The following ARHGAP29 variants were observed in gnomAD, a reference collection of about 807,000 sequenced individuals.
ARHGAP29 encodes Rho GTPase activating protein 29, also known as rho GTPase-activating protein 29.
A neutral mutation model predicts 122.6 loss-of-function variants in ARHGAP29; 43 were observed. That is an observed-to-expected ratio of 0.35 (90% confidence interval 0.27 to 0.45). The LOEUF (loss-of-function observed/expected upper bound fraction) is 0.45, where lower values mean the gene tolerates loss of function less well. Ranked by LOEUF, ARHGAP29 falls within the 20% of genes least tolerant of loss-of-function variation. ARHGAP29 has a pLI of 1.00. For missense variants in ARHGAP29, 1,303 were observed against 1,477.2 expected, an observed-to-expected ratio of 0.88 and a Z score of 1.93; for synonymous variants, 506 against 497.1, an observed-to-expected ratio of 1.02 and a Z score of -0.24.
intron 2 of ARHGAP29, among the ~76,000 whole-genome samples, chr1:94,227,894 T>G (rs952966535): frequency 6.6e-6 from 1 of 151,782 alleles, no homozygotes; most frequent in Non-Finnish European, 1.5e-5. Context: ...TCATATAAGA[T>G]AGAACATTTA....
At chr1:94,253,534 A>G (rs932959706) in intron 1 of ARHGAP29, among the ~76,000 whole-genome samples, 7 of 152,212 alleles carry the variant, frequency 4.6e-5, no homozygotes, top group African/African-American at 1.7e-4. Context: ...GACTTATTGT[A>G]CTAAAAATTA....
At chr1:94,273,376 T>G (rs914622956) in intron 1 of ARHGAP29, among the ~76,000 whole-genome samples, 1 of 152,260 alleles carries the variant, frequency 6.6e-6, no homozygotes, top group Non-Finnish European at 1.5e-5. Flanking sequence ...GTCAGTAAGC[T>G]TTCCAGCAAT....
chr1:94,266,801 C>A (rs1262668756), intron 1 of ARHGAP29, among the ~76,000 whole-genome samples: 1 of 152,178 alleles, frequency 6.6e-6, no homozygotes. Context: ...ATTGCCTTCA[C>A]GTTCCAGAGA....
At chr1:94,216,416 C>T (rs1379039003) in intron 3 of ARHGAP29, among the ~76,000 whole-genome samples, 1 of 152,122 alleles carries the variant, frequency 6.6e-6, no homozygotes, top group African/African-American at 2.4e-5. Context: ...AAAAAGAGAA[C>T]ACATCCGTGT....
At chr1:94,270,588 G>A (rs552445263) in intron 1 of ARHGAP29, among the ~76,000 whole-genome samples, 102 of 152,298 alleles carry the variant, frequency 6.7e-4, no homozygotes, top group African/African-American at 2.4e-3. Context: ...ATGAGCAGGT[G>A]ACCCAGGACC....
At chr1:94,214,949 T>A (rs1309586206) in intron 3 of ARHGAP29, among the ~76,000 whole-genome samples, 1 of 152,094 alleles carries the variant, frequency 6.6e-6, no homozygotes, top group Non-Finnish European at 1.5e-5. Context: ...ATACTTAAGT[T>A]TTATGTAATG....
At chr1:94,248,071 T>A (rs1653898514) in intron 1 of ARHGAP29, 1 of 152,266 alleles carries the variant, frequency 6.6e-6, no homozygotes, top group African/African-American at 2.4e-5. Flanking sequence ...CAGTCAAGAC[T>A]CAGGTGTTCA....
upstream of ARHGAP29, among the ~76,000 whole-genome samples, chr1:94,241,390 C>T (rs1015304112): frequency 1.3e-5 from 2 of 151,878 alleles, no homozygotes; most frequent in Non-Finnish European, 2.9e-5. Context: ...CCGAGGCGGG[C>T]GGATCACCTG....
intron 1 of ARHGAP29, among the ~76,000 whole-genome samples, chr1:94,260,233 G>A (rs1029992645): frequency 6.6e-6 from 1 of 152,142 alleles, no homozygotes; most frequent in Non-Finnish European, 1.5e-5. Flanking sequence ...TCTATCTGAG[G>A]GGCTTCTGGC....
chr1:94,239,025 C>CT (rs1653468031), upstream of ARHGAP29, among the ~76,000 whole-genome samples: 1 of 152,170 alleles, frequency 6.6e-6, no homozygotes, highest in African/African-American at 2.4e-5. Flanking sequence ...TTGGACTCAA[C>CT]TTACACAGAT....
At chr1:94,303,862 T>A in the ARHGAP29 span, among the ~76,000 whole-genome samples, 1 of 152,234 alleles carries the variant, frequency 6.6e-6, no homozygotes, top group Non-Finnish European at 1.5e-5. Flanking sequence ...TTATGCCATG[T>A]TACTTCCCAG....
At chr1:94,285,832 G>T in the ARHGAP29 span, among the ~76,000 whole-genome samples, 5 of 135,786 alleles carry the variant, frequency 3.7e-5, no homozygotes, top group Non-Finnish European at 4.5e-5. Context: ...CCAAGATTGC[G>T]CCACTATACT....
At chr1:94,188,516 C>A (rs1165034357) in intron 15 of ARHGAP29, among the ~76,000 whole-genome samples, 1 of 151,916 alleles carries the variant, frequency 6.6e-6, no homozygotes, top group African/African-American at 2.4e-5. Flanking sequence ...AGCAAAACTT[C>A]ACCAGATATA....
the ARHGAP29 span, among the ~76,000 whole-genome samples, chr1:94,313,307 CAG>C: frequency 6.6e-6 from 1 of 152,170 alleles, no homozygotes; most frequent in Admixed American, 6.5e-5. Context: ...GGCATCATCT[CAG>C]AGAAAACTTC....
chr1:94,282,095 T>C, the ARHGAP29 span, among the ~76,000 whole-genome samples: 1 of 151,974 alleles, frequency 6.6e-6, no homozygotes, highest in Non-Finnish European at 1.5e-5. Flanking sequence ...GTTTAAAAAA[T>C]CTATGTTTTT....
At chr1:94,282,155 T>C in the ARHGAP29 span, among the ~76,000 whole-genome samples, 3 of 151,990 alleles carry the variant, frequency 2.0e-5, no homozygotes, top group African/African-American at 7.3e-5. Context: ...ATCTTGTAAG[T>C]CTGGACTGGA....
Position 94,174,682 on chromosome 1 carries a change from G to T in ARHGAP29, c.2973C>A (p.Thr991=), listed in dbSNP as rs769326990. ...SASQKIEDGK[T]PKPLSLKSDR... is the part of the protein sequence containing the mutation. ...CAGATTTCAGAGAAAGTGGCTTAGG[G>T]GTTTTACCATCTTCTATCTTTTGGG... The change falls in exon 23 of 23, where the codon ACC becomes ACA. Residue 991 remains threonine, a synonymous_variant. Coordinates refer to ENST00000260526, the MANE Select transcript of ARHGAP29 (RefSeq NM_004815.4). The T allele has an allele frequency of 4.3e-6, 7 of 1,614,000 alleles. No individual in the cohort carries two copies. The highest frequency in any genetic ancestry group is 1.3e-5 in the African/African-American group (1 of 75,006).
chr1:94,199,753 A>ACTTAG (rs1650718314), intron 12 of ARHGAP29, among the ~76,000 whole-genome samples: 2 of 152,150 alleles, frequency 1.3e-5, no homozygotes, highest in Non-Finnish European at 2.9e-5. Context: ...TAAAAGCTCT[A>ACTTAG]CTTAGCTTTC....
intron 3 of ARHGAP29, among the ~76,000 whole-genome samples, chr1:94,217,863 A>C (rs1652045448): frequency 9.2e-4 from 1 of 1,090 alleles, no homozygotes; most frequent in African/African-American, 9.6e-4. Context: ...AAAAAAACAA[A>C]AAAAAAAAAA....
Sources: gnomAD v4.1 joint callset for allele counts (sites outside exome capture counted in the v4.1 genomes callset) on GRCh38, gnomAD v4.1.1 for gene constraint, MANE v1.5 for transcripts, NCBI Gene and HGNC (gene_info 2026-07-23, HGNC 2026-07-21) for gene names.